The following ADAM22 variants were observed in gnomAD, a reference collection of about 807,000 sequenced individuals.
ADAM22 encodes disintegrin and metalloproteinase domain-containing protein 22.
ADAM22 carries 65 observed loss-of-function variants against 144.6 expected under a neutral mutation model. That is an observed-to-expected ratio of 0.45 (90% confidence interval 0.37 to 0.55). The LOEUF (loss-of-function observed/expected upper bound fraction) is 0.55, where lower values mean the gene tolerates loss of function less well. ADAM22 is among the 20% of genes least tolerant of loss of function. The pLI, the probability that ADAM22 is intolerant of heterozygous loss-of-function variation, is 0.00. For synonymous variants in ADAM22, 391 were observed against 412.6 expected (o/e 0.95, Z 0.63); for missense variants, 974 against 1,184.9 (o/e 0.82, Z 2.61).
At chr7:88,035,898 T>G (rs183381211) in intron 3 of ADAM22, among the ~76,000 whole-genome samples, 1 of 152,320 alleles carries the variant, frequency 6.6e-6, no homozygotes, top group Admixed American at 6.5e-5. Context: ...TCATAAGCTA[T>G]GGATTAAACT....
At chr7:88,102,968 T>C (rs549341051) in intron 4 of ADAM22, among the ~76,000 whole-genome samples, 1 of 152,298 alleles carries the variant, frequency 6.6e-6, no homozygotes. Flanking sequence ...TATATAAACA[T>C]AAATCAGGCA....
rs536910555 is a variant in ADAM22, at chr7:88,166,356, C to G, written c.2191+410C>G. ...TTTAATATTCTTTATTATAGAATCT[C>G]ATTGTTGTTCAACCCCAGTTCTGTA... On this transcript the variant is annotated intron_variant, in intron 24 of 31. Transcript: ENST00000413139. 2.0e-5 allele frequency among the ~76,000 whole-genome samples: 3 copies of G among 152,212 alleles called. No homozygotes were observed. The East Asian group carries it at 5.8e-4, about 29-fold the overall frequency.
At chr7:88,108,616 C>G (rs1195993631) in intron 5 of ADAM22, among the ~76,000 whole-genome samples, 2 of 151,904 alleles carry the variant, frequency 1.3e-5, no homozygotes, top group Admixed American at 6.6e-5. Flanking sequence ...GTAATCCCAG[C>G]TACTCGGGAG....
intron 6 of ADAM22, among the ~76,000 whole-genome samples, chr7:88,114,988 C>T (rs1354721908): frequency 6.6e-6 from 1 of 151,694 alleles, no homozygotes; most frequent in East Asian, 1.9e-4. Flanking sequence ...TGTGGTGGCT[C>T]ATGCCTGTAA....
chr7:87,973,856 C>A (rs879912650), intron 2 of ADAM22, among the ~76,000 whole-genome samples: 1 of 151,848 alleles, frequency 6.6e-6, no homozygotes, highest in Non-Finnish European at 1.5e-5. Context: ...CCAAACACCG[C>A]ATATTCTCAC....
intron 8 of ADAM22, among the ~76,000 whole-genome samples, chr7:88,126,558 C>T (rs1390169154): frequency 1.3e-5 from 2 of 151,966 alleles, no homozygotes; most frequent in African/African-American, 4.8e-5. Context: ...TATATTAACA[C>T]ATTTAACCCT....
intron 2 of ADAM22, among the ~76,000 whole-genome samples, chr7:87,953,334 A>T (rs1845744214): frequency 6.6e-6 from 1 of 151,392 alleles, no homozygotes; most frequent in Non-Finnish European, 1.5e-5. Context: ...AGATTCTGGT[A>T]TGTTGGGTGT....
chr7:87,972,510 A>C lies in ADAM22; in HGVS notation c.247-5826A>C, dbSNP rs1295866859. Among the ~76,000 whole-genome samples the C allele has an allele frequency of 6.0e-3, 919 of 152,258 alleles. 5 individuals carry two copies. The highest frequency in any genetic ancestry group is 0.021 in the African/African-American group (870 of 41,532). On this transcript the variant is annotated intron_variant, in intron 2 of 31. Transcript: ENST00000413139. ...TATCGTGAAAATGGCCATACTGCCC[A>C]AGGTAATTTATAGATTCAATGCCAT...
intron 2 of ADAM22, among the ~76,000 whole-genome samples, chr7:87,936,082 A>G (rs537430775): frequency 1.3e-5 from 2 of 152,342 alleles, no homozygotes; most frequent in East Asian, 3.9e-4. Flanking sequence ...TCACATGTAT[A>G]AATATATTCA....
chr7:87,942,352 A>G (rs1261407556), intron 2 of ADAM22, among the ~76,000 whole-genome samples: 1 of 152,210 alleles, frequency 6.6e-6, no homozygotes, highest in Non-Finnish European at 1.5e-5. Context: ...CAAAAAAATC[A>G]TGTGTGACAG....
At chr7:88,050,221 T>TAAA (rs1240990310) in intron 3 of ADAM22, among the ~76,000 whole-genome samples, 5 of 70,518 alleles carry the variant, frequency 7.1e-5, no homozygotes, top group Non-Finnish European at 1.1e-4. Context: ...CCATCTCTAC[T>TAAA]AAAAAAAAAA....
rs545892584 is a variant in ADAM22, at chr7:88,125,823, G to T, written c.678+164G>T. ...GGATCTGAAGAAGCAGTAGAAAGGG[G>T]GCCATGTTGTTTCACAGATGCAAAA... On this transcript the variant is annotated intron_variant, in intron 8 of 31. Coordinates refer to ENST00000413139, the MANE Select transcript of ADAM22 (RefSeq NM_001324418.2). 2.6e-5 allele frequency among the ~76,000 whole-genome samples: 4 copies of T among 152,038 alleles called. No homozygotes were observed. The South Asian group carries it at 8.3e-4, about 32-fold the overall frequency.
chr7:88,156,603 G>A (rs1419571337), intron 22 of ADAM22, among the ~76,000 whole-genome samples: 1 of 152,106 alleles, frequency 6.6e-6, no homozygotes, highest in Non-Finnish European at 1.5e-5. Context: ...AAGAGGGAGG[G>A]AAGGAGTGGA....
At chr7:88,006,150 A>C (rs1226455957) in intron 3 of ADAM22, among the ~76,000 whole-genome samples, 1 of 152,070 alleles carries the variant, frequency 6.6e-6, no homozygotes, top group Non-Finnish European at 1.5e-5. Context: ...CTTTGTAATT[A>C]TAATTTTATA....
intron 14 of ADAM22, among the ~76,000 whole-genome samples, chr7:88,138,737 TCA>T (rs1427065160): frequency 6.6e-6 from 1 of 152,194 alleles, no homozygotes; most frequent in African/African-American, 2.4e-5. Context: ...ATATCTGCCT[TCA>T]GATAATTGAA....
At chr7:87,938,207 A>ATT (rs59698275) in intron 2 of ADAM22, among the ~76,000 whole-genome samples, 1,187 of 75,598 alleles carry the variant, frequency 0.016, 199 homozygotes, top group African/African-American at 0.034. Context: ...ATACCCATAG[A>ATT]TTTTTTTTTT....
intron 5 of ADAM22, among the ~76,000 whole-genome samples, chr7:88,110,250 C>G (rs1433970294): frequency 6.6e-6 from 1 of 152,142 alleles, no homozygotes; most frequent in African/African-American, 2.4e-5. Flanking sequence ...TACATCTGAG[C>G]TCAAGACAAG....
chr7:88,056,644 T>G (rs1477940299), intron 3 of ADAM22, among the ~76,000 whole-genome samples: 29 of 152,202 alleles, frequency 1.9e-4, no homozygotes, highest in Non-Finnish European at 4.4e-5. Flanking sequence ...CATTCACAAT[T>G]GATAATATAT....
intron 3 of ADAM22, among the ~76,000 whole-genome samples, chr7:87,991,041 A>T (rs1490798595): frequency 1.3e-5 from 2 of 152,176 alleles, no homozygotes; most frequent in South Asian, 4.1e-4. Context: ...ACTCAATTTC[A>T]ATCATTTTTC....
Sources: allele counts gnomAD v4.1 joint callset (sites outside exome capture counted in the v4.1 genomes callset), GRCh38; gene constraint gnomAD v4.1.1; transcripts MANE v1.5; gene names NCBI Gene and HGNC (gene_info 2026-07-23, HGNC 2026-07-21).